The following PPFIA2 variants were observed in gnomAD, a reference collection of about 807,000 sequenced individuals.
PPFIA2 encodes liprin-alpha-2.
Under a neutral mutation model 175.5 loss-of-function variants are expected in PPFIA2, and 46 were observed. The observed-to-expected ratio is 0.26, with a 90% CI of 0.21 to 0.34. PPFIA2 has a LOEUF of 0.34. PPFIA2 is among the 10% of genes least tolerant of loss of function. PPFIA2 has a pLI of 1.00. For synonymous variants in PPFIA2, 568 were observed against 511.4 expected (o/e 1.11, Z -1.49); for missense variants, 1,179 against 1,506.1 (o/e 0.78, Z 3.60).
chr12:81,578,723 C>T (rs564400971), intron 4 of PPFIA2, among the ~76,000 whole-genome samples: 16 of 151,804 alleles, frequency 1.1e-4, no homozygotes, highest in African/African-American at 3.1e-4. Context: ...AGTTAAATAA[C>T]TTGCCCAAAG....
Position 81,726,940 on chromosome 12 carries a change from T to A in PPFIA2, c.249+27033A>T, listed in dbSNP as rs573800113. On this transcript the variant is annotated intron_variant, in intron 3 of 32. Coordinates refer to ENST00000549396, the MANE Select transcript of PPFIA2 (RefSeq NM_003625.5). ...GCTTCAAGAATGGCATGTCTCTGATTGAAGCTACTTTTTAGCTGGGTCTTA... is the reference window on the plus strand; with the variant it reads ...GCTTCAAGAATGGCATGTCTCTGATAGAAGCTACTTTTTAGCTGGGTCTTA... Among the ~76,000 whole-genome samples, 37 of 151,450 alleles carry A rather than the reference T, an allele frequency of 2.4e-4. 1 individual carries two copies. In the South Asian group the frequency reaches 4.6e-3, roughly 19 times the overall value.
intron 23 of PPFIA2, among the ~76,000 whole-genome samples, chr12:81,296,055 T>C (rs1351783168): frequency 1.4e-5 from 2 of 146,232 alleles, no homozygotes; most frequent in East Asian, 2.1e-4. Flanking sequence ...CCTGTAATCC[T>C]AGCACTTTGG....
chr12:81,710,532 G>C (rs2077758630), intron 3 of PPFIA2, among the ~76,000 whole-genome samples: 1 of 152,026 alleles, frequency 6.6e-6, no homozygotes, highest in African/African-American at 2.4e-5. Flanking sequence ...AATATAGTTT[G>C]AGTATTTCTT....
intron 4 of PPFIA2, among the ~76,000 whole-genome samples, chr12:81,532,568 T>C (rs1352591480): frequency 1.3e-5 from 2 of 151,804 alleles, no homozygotes; most frequent in African/African-American, 2.4e-5. Context: ...ACTAATGATA[T>C]AGATAAAATA....
intron 20 of PPFIA2, among the ~76,000 whole-genome samples, chr12:81,340,471 T>C (rs2057855712): frequency 2.0e-5 from 3 of 152,132 alleles, no homozygotes; most frequent in Admixed American, 1.3e-4. Context: ...TCAGTGATTA[T>C]AGAGATCTGT....
intron 4 of PPFIA2, chr12:81,598,456 C>G: frequency 5.9e-6 from 5 of 847,110 alleles, no homozygotes; most frequent in Non-Finnish European, 7.2e-6. Flanking sequence ...AGTTTCATTT[C>G]AGGGAAGCAT....
chr12:81,508,713 A>C (rs971139447), intron 4 of PPFIA2, among the ~76,000 whole-genome samples: 67 of 150,974 alleles, frequency 4.4e-4, no homozygotes, highest in African/African-American at 1.5e-3. Flanking sequence ...CGCTGCATCC[A>C]CTAACTCATC....
chr12:81,325,050 C>T (rs559428456), intron 22 of PPFIA2, among the ~76,000 whole-genome samples: 1 of 151,354 alleles, frequency 6.6e-6, no homozygotes, highest in African/African-American at 2.4e-5. Context: ...AATGTGAAAA[C>T]CAAAAACACA....
intron 21 of PPFIA2, among the ~76,000 whole-genome samples, chr12:81,331,364 A>G: frequency 6.6e-6 from 1 of 152,174 alleles, no homozygotes; most frequent in East Asian, 1.9e-4. Flanking sequence ...AGGTTATATT[A>G]TTTAGGTTTG....
intron 4 of PPFIA2, among the ~76,000 whole-genome samples, chr12:81,631,870 C>T (rs2063429478): frequency 6.6e-6 from 1 of 152,138 alleles, no homozygotes; most frequent in African/African-American, 2.4e-5. Context: ...AGTGGCATGA[C>T]ATAATGCCTT....
At chr12:81,520,486 A>G (rs1189505094) in intron 4 of PPFIA2, among the ~76,000 whole-genome samples, 1 of 152,208 alleles carries the variant, frequency 6.6e-6, no homozygotes. Context: ...TGTGGGGACT[A>G]CTGTACTTGT....
chr12:81,379,941 T>A (rs71466015), intron 9 of PPFIA2, among the ~76,000 whole-genome samples: 3 of 152,220 alleles, frequency 2.0e-5, no homozygotes, highest in Non-Finnish European at 2.9e-5. Context: ...TGTTTTTTAT[T>A]ATATGGTTGT....
chr12:81,283,090 T>C, intron 25 of PPFIA2, 51 bp from the exon 26 acceptor site: 1 of 1,567,106 alleles, frequency 6.4e-7, no homozygotes, highest in Non-Finnish European at 8.8e-7. Flanking sequence ...ATAAATTAAT[T>C]TCAAATCAAT....
intron 24 of PPFIA2, chr12:81,292,613 T>C (rs144044836): frequency 7.2e-5 from 11 of 152,284 alleles, no homozygotes; most frequent in African/African-American, 2.6e-4. Context: ...CATATATGTG[T>C]ACATATAAAA....
At chr12:81,547,236 G>A (rs4271455) in intron 4 of PPFIA2, among the ~76,000 whole-genome samples, 81,294 of 151,978 alleles carry the variant, frequency 0.53, 22,309 homozygotes, top group African/African-American at 0.65. Flanking sequence ...CAAAACTCCT[G>A]TTGGTTAATT....
chr12:81,621,224 G>T (rs1400817053), intron 4 of PPFIA2, among the ~76,000 whole-genome samples: 1 of 152,198 alleles, frequency 6.6e-6, no homozygotes, highest in African/African-American at 2.4e-5. Context: ...CAGAGAATAA[G>T]ATGCAAATCC....
chr12:81,283,607 G>A (rs1054751707), intron 25 of PPFIA2, among the ~76,000 whole-genome samples: 12 of 151,866 alleles, frequency 7.9e-5, no homozygotes, highest in Non-Finnish European at 1.5e-4. Flanking sequence ...TTCAAATAAG[G>A]ATAACACTGA....
At chr12:81,360,058 C>T (rs1461350605) in intron 15 of PPFIA2, among the ~76,000 whole-genome samples, 1 of 151,842 alleles carries the variant, frequency 6.6e-6, no homozygotes, top group Non-Finnish European at 1.5e-5. Context: ...AGTCTCAACA[C>T]ATGTGGTTAA....
chr12:81,429,813 A>C (rs1476827452), intron 7 of PPFIA2, among the ~76,000 whole-genome samples: 3 of 152,086 alleles, frequency 2.0e-5, no homozygotes, highest in East Asian at 1.9e-4. Flanking sequence ...GTTTCAGTTG[A>C]TAAGAGCTGT....
Sources: allele counts gnomAD v4.1 joint callset (sites outside exome capture counted in the v4.1 genomes callset), GRCh38; gene constraint gnomAD v4.1.1; transcripts MANE v1.5; gene names NCBI Gene and HGNC (gene_info 2026-07-23, HGNC 2026-07-21).